The following NOVA1 variants were observed in gnomAD, a reference collection of about 807,000 sequenced individuals.
NOVA1 encodes RNA-binding protein Nova-1.
NOVA1 carries 7 observed loss-of-function variants against 38.0 expected under a neutral mutation model. The observed-to-expected ratio is 0.18, with a 90% confidence interval of 0.10 to 0.35. NOVA1 has a LOEUF of 0.35. Among genes scored for constraint, NOVA1 ranks in the 10% least tolerant of loss-of-function variants. The pLI, the probability that NOVA1 is intolerant of heterozygous loss-of-function variation, is 1.00. For synonymous variants in NOVA1, 270 were observed against 232.5 expected, an observed-to-expected ratio of 1.16 and a Z score of -1.47; for missense variants, 460 against 616.0, an observed-to-expected ratio of 0.75 and a Z score of 2.68.
At chr14:26,484,269 C>T (rs1357977590) in intron 2 of NOVA1, among the ~76,000 whole-genome samples, 4 of 150,704 alleles carry the variant, frequency 2.7e-5, no homozygotes, top group Non-Finnish European at 5.9e-5. Context: ...CCCATCTCTA[C>T]TAAAAATACA....
At chr14:26,468,094 G>T (rs1475752431) in intron 4 of NOVA1, among the ~76,000 whole-genome samples, 1 of 152,068 alleles carries the variant, frequency 6.6e-6, no homozygotes, top group Non-Finnish European at 1.5e-5. Context: ...TGGTGAGAAC[G>T]TTACTCCTGT....
At chr14:26,505,558 T>C (rs898933574) in intron 2 of NOVA1, among the ~76,000 whole-genome samples, 3 of 152,166 alleles carry the variant, frequency 2.0e-5, no homozygotes, top group African/African-American at 7.2e-5. Context: ...CAGGTAGTTG[T>C]TTATAGCAGT....
At chr14:26,583,646 CAG>C (rs200169737) in intron 2 of NOVA1, among the ~76,000 whole-genome samples, 2,477 of 151,322 alleles carry the variant, frequency 0.016, 22 homozygotes, top group Middle Eastern at 0.041. Flanking sequence ...TCATATTTTT[CAG>C]ACTTTTAAAA....
intron 2 of NOVA1, among the ~76,000 whole-genome samples, chr14:26,562,214 A>C (rs1326262954): frequency 1.3e-5 from 2 of 152,186 alleles, no homozygotes; most frequent in East Asian, 3.9e-4. Flanking sequence ...TCAAGACCTC[A>C]GGTTCCACAA....
chr14:26,480,049 T>C lies in NOVA1; in HGVS notation c.375A>G (p.Gln125=). Residue 125 remains glutamine, a synonymous_variant, in exon 3 of 5, where the codon CAA becomes CAG. Coordinates refer to ENST00000539517, the MANE Select transcript of NOVA1 (RefSeq NM_002515.3). ...FIAEKIREMP[Q]NVAKTEPVSI... is the part of the protein sequence containing the mutation. Reference sequence around the variant, plus strand: ...TGACTGGTTCTGTCTTGGCCACATTTTGGGGCATTTCTCGAATTTTTTCTG... The same window carrying C: ...TGACTGGTTCTGTCTTGGCCACATTCTGGGGCATTTCTCGAATTTTTTCTG... 6.2e-7 allele frequency: 1 copy of C among 1,614,084 alleles called. No individual in the cohort carries two copies.
rs1266472689 is a variant in NOVA1, at chr14:26,443,464, T to C, written c.*4495A>G. The C allele has an allele frequency of 9.9e-5, 15 of 152,100 alleles. No homozygotes were observed. The highest frequency in any genetic ancestry group is 8.5e-4 in the Admixed American group (13 of 15,252). The allele number at this position is 152,100 out of a possible 1,614,324, so 9.4% of individuals were successfully genotyped here. On this transcript the variant is annotated 3_prime_UTR_variant, in exon 5 of 5. Transcript: ENST00000539517. ...TCAAGAACAGTTTTTTTTGTTTATA[T>C]AGACCAGTGGAATGACATCCTGTCT...
At chr14:26,488,261 A>G (rs576234558) in intron 2 of NOVA1, among the ~76,000 whole-genome samples, 56 of 152,308 alleles carry the variant, frequency 3.7e-4, no homozygotes, top group South Asian at 3.3e-3. Context: ...AATATCACAA[A>G]TCAAGTCAAA....
intron 2 of NOVA1, among the ~76,000 whole-genome samples, chr14:26,585,632 T>C (rs558731154): frequency 6.6e-6 from 1 of 151,326 alleles, no homozygotes; most frequent in Middle Eastern, 3.4e-3. Flanking sequence ...AGCTATAAAA[T>C]CTTGTAATAT....
Position 26,482,432 on chromosome 14 carries a change from G to C in NOVA1, c.281-2289C>G, listed in dbSNP as rs117461745. Among the ~76,000 whole-genome samples, 14 of 152,024 alleles carry C rather than the reference G, an allele frequency of 9.2e-5. No individual in the cohort carries two copies. The East Asian group carries it at 2.7e-3, about 29-fold the overall frequency. ...AAACACAAAACCGTAATTTTTAGGAGAAAGTCACAAAAAAGGGAGACTGTC... is the reference window on the plus strand; with the variant it reads ...AAACACAAAACCGTAATTTTTAGGACAAAGTCACAAAAAAGGGAGACTGTC... On this transcript the variant is annotated intron_variant, in intron 2 of 4. Transcript: ENST00000539517.
chr14:26,448,875 G>A lies in NOVA1; in HGVS notation c.608C>T (p.Ala203Val). Residue 203 changes from alanine (A) to valine (V), a missense_variant, in exon 5 of 5, where the codon GCT (alanine) becomes GTT (valine). Coordinates refer to ENST00000539517, the MANE Select transcript of NOVA1 (RefSeq NM_002515.3). The surrounding 1 kb of genome is among the most constrained non-coding windows in gnomAD (Gnocchi z 5.3). ...AGGTTTCTGGGAAAGCTGCACCCAA[G>A]CCCCTGACTGCTCCATTACAGCCTT... ...TVKAVMEQSG[A>V]WVQLSQKPDG... 1.9e-6 allele frequency: 3 copies of A among 1,613,992 alleles called. No individual in the cohort carries two copies. Among genetic ancestry groups the A allele is most frequent in the Non-Finnish European group, 2.5e-6 (3 of 1,180,016 alleles).
At chr14:26,557,299 C>T (rs554838275) in intron 2 of NOVA1, among the ~76,000 whole-genome samples, 3 of 152,206 alleles carry the variant, frequency 2.0e-5, no homozygotes, top group East Asian at 3.9e-4. Flanking sequence ...AAATCCAAAA[C>T]GCTGACATCA....
chr14:26,543,789 A>G (rs2138609340), intron 2 of NOVA1, among the ~76,000 whole-genome samples: 1 of 152,140 alleles, frequency 6.6e-6, no homozygotes, highest in Non-Finnish European at 1.5e-5. Flanking sequence ...AATGATCCAA[A>G]GCTGAGAACA....
intron 2 of NOVA1, among the ~76,000 whole-genome samples, chr14:26,587,430 G>A (rs1893593465): frequency 6.6e-6 from 1 of 150,554 alleles, no homozygotes; most frequent in African/African-American, 2.4e-5. Flanking sequence ...TCTAAGTAAT[G>A]ATTACCAAAT....
intron 2 of NOVA1, among the ~76,000 whole-genome samples, chr14:26,500,953 T>C (rs981619590): frequency 3.3e-5 from 5 of 151,958 alleles, no homozygotes; most frequent in African/African-American, 1.2e-4. Context: ...TCTAAATGAT[T>C]CACAGTGCTC....
chr14:26,538,535 C>T (rs968519288), intron 2 of NOVA1, among the ~76,000 whole-genome samples: 1 of 152,000 alleles, frequency 6.6e-6, no homozygotes, highest in African/African-American at 2.4e-5. Flanking sequence ...CTTTTGATTA[C>T]CCCATTTCTA....
At chr14:26,518,983 A>G (rs1438478496) in intron 2 of NOVA1, among the ~76,000 whole-genome samples, 4 of 152,058 alleles carry the variant, frequency 2.6e-5, no homozygotes, top group Admixed American at 2.0e-4. Context: ...GAGTTGCTTC[A>G]GAAGGAAATA....
chr14:26,514,255 T>C (rs1268442732), intron 2 of NOVA1, among the ~76,000 whole-genome samples: 2 of 151,744 alleles, frequency 1.3e-5, no homozygotes, highest in African/African-American at 4.8e-5. Flanking sequence ...CTTGTCATTT[T>C]TAAAAAAGCT....
At chr14:26,590,348 T>C (rs1192363047) in intron 2 of NOVA1, among the ~76,000 whole-genome samples, 1 of 152,060 alleles carries the variant, frequency 6.6e-6, no homozygotes, top group Non-Finnish European at 1.5e-5. Flanking sequence ...CCCAGTTTTA[T>C]TTTGAAAAGC....
At chr14:26,500,759 A>G (rs1408509272) in intron 2 of NOVA1, among the ~76,000 whole-genome samples, 2 of 152,006 alleles carry the variant, frequency 1.3e-5, no homozygotes, top group African/African-American at 4.8e-5. Flanking sequence ...GTGTTATATA[A>G]TCATTTTGTT....
Sources: gnomAD v4.1 joint callset for allele counts (sites outside exome capture counted in the v4.1 genomes callset) on GRCh38, gnomAD v4.1.1 for gene constraint, Gnocchi (gnomAD v3.1) non-coding constraint, MANE v1.5 for transcripts, NCBI Gene and HGNC (gene_info 2026-07-23, HGNC 2026-07-21) for gene names.